The following MAPKAP1 variants were observed in gnomAD, a reference collection of about 807,000 sequenced individuals.
MAPKAP1 encodes target of rapamycin complex 2 subunit MAPKAP1.
MAPKAP1 carries 20 observed loss-of-function variants against 65.7 expected under a neutral mutation model. The observed-to-expected ratio is 0.30, with a 90% CI of 0.21 to 0.44. MAPKAP1 has a LOEUF of 0.44. Ranked by LOEUF, MAPKAP1 falls within the 20% of genes least tolerant of loss-of-function variation. MAPKAP1 has a pLI of 1.00. For missense variants in MAPKAP1, 423 were observed against 648.0 expected, an observed-to-expected ratio of 0.65 and a Z score of 3.77; for synonymous variants, 222 against 244.3, an observed-to-expected ratio of 0.91 and a Z score of 0.85.
At chr9:125,637,772 T>C (rs948877584) in intron 4 of MAPKAP1, among the ~76,000 whole-genome samples, 2 of 152,144 alleles carry the variant, frequency 1.3e-5, no homozygotes, top group African/African-American at 2.4e-5. Flanking sequence ...AGGTAGGTAA[T>C]GGGTACTTAT....
chr9:125,494,445 T>C (rs1047531443), intron 8 of MAPKAP1, among the ~76,000 whole-genome samples: 2 of 152,146 alleles, frequency 1.3e-5, no homozygotes, highest in African/African-American at 4.8e-5. Flanking sequence ...GATTAAACTC[T>C]TGGAGCCAGA....
At position 125,657,720 on chromosome 9, in the gene MAPKAP1, A is replaced by C. The variant is rs1466022445; in HGVS notation, c.429T>G (p.Ser143=). 1.2e-6 allele frequency: 2 copies of C among 1,613,920 alleles called. No individual in the cohort carries two copies. Among genetic ancestry groups the C allele is most frequent in the African/African-American group, 2.7e-5 (2 of 74,926 alleles). ...PPISGKQSIL[S]VRLEQCPLQL... Reference sequence around the variant, plus strand: ...GCAGAGGGCACTGTTCTAGGCGTACAGATAATATCGACTGCTTCCCAGAAA... The same window carrying C: ...GCAGAGGGCACTGTTCTAGGCGTACCGATAATATCGACTGCTTCCCAGAAA... The change falls in exon 4 of 12, where the codon TCT becomes TCG. Residue 143 remains serine, a synonymous_variant. Transcript: ENST00000265960.
At chr9:125,672,278 T>A (rs951635602) in intron 2 of MAPKAP1, 38 bp downstream of exon 2, 8 of 1,606,988 alleles carry the variant, frequency 5.0e-6, no homozygotes, top group Non-Finnish European at 6.8e-6. Context: ...GTTTACTGAT[T>A]TAAAGCTCAG....
intron 9 of MAPKAP1, among the ~76,000 whole-genome samples, chr9:125,482,844 G>T (rs73591545): frequency 1.3e-5 from 2 of 152,174 alleles, no homozygotes; most frequent in Non-Finnish European, 2.9e-5. Flanking sequence ...TGATCAGCCT[G>T]CTAGAATCAC....
intron 10 of MAPKAP1, among the ~76,000 whole-genome samples, chr9:125,448,130 T>G (rs1351685583): frequency 6.6e-6 from 1 of 152,110 alleles, no homozygotes; most frequent in Non-Finnish European, 1.5e-5. Context: ...GGTAAGCAGT[T>G]CCCGTAGTCA....
rs58671780 is a variant in MAPKAP1, at chr9:125,625,255, TAAAAAAAA to T, written c.498+32388_498+32395del. ...TATCAATAAAAAAAAAATAAATAAATAAAAAAAAAAAAAAAAAAAAAAAAACAAGGGAG... is the reference window on the plus strand; with the variant it reads ...TATCAATAAAAAAAAAATAAATAAATAAAAAAAAAAAAAAAAACAAGGGAG... On this transcript the variant is annotated intron_variant, in intron 4 of 11. Coordinates refer to ENST00000265960, the MANE Select transcript of MAPKAP1 (RefSeq NM_001006617.3). Among the ~76,000 whole-genome samples the T allele has an allele frequency of 8.4e-3, 543 of 64,710 alleles. 7 individuals carry two copies. Among genetic ancestry groups the T allele is most frequent in the African/African-American group, 0.029 (497 of 16,864 alleles). The allele number at this position is 64,710 out of a possible 152,430, so 42.5% of individuals were successfully genotyped here. A position where few individuals can be genotyped will look rare whatever the true frequency, so the allele number is the denominator to read the frequency against.
intron 8 of MAPKAP1, 181 bp downstream of exon 8, chr9:125,506,129 A>G: frequency 1.6e-6 from 1 of 641,940 alleles, no homozygotes; most frequent in Non-Finnish European, 2.8e-6. Flanking sequence ...CTCTACCAAA[A>G]AGCACAAAAT....
At chr9:125,549,477 C>T (rs1020227987) in intron 6 of MAPKAP1, among the ~76,000 whole-genome samples, 3 of 152,202 alleles carry the variant, frequency 2.0e-5, no homozygotes, top group Non-Finnish European at 2.9e-5. Flanking sequence ...AGAGTTTACA[C>T]TAGTGTGAAT....
At chr9:125,656,186 C>T (rs1165133396) in intron 4 of MAPKAP1, among the ~76,000 whole-genome samples, 3 of 152,158 alleles carry the variant, frequency 2.0e-5, no homozygotes, top group Non-Finnish European at 2.9e-5. Flanking sequence ...TTACCCTAAT[C>T]CCAAGAATAA....
At chr9:125,541,180 T>A (rs1188138947) in intron 7 of MAPKAP1, among the ~76,000 whole-genome samples, 1 of 152,192 alleles carries the variant, frequency 6.6e-6, no homozygotes, top group African/African-American at 2.4e-5. Flanking sequence ...AAGACTCTGA[T>A]GGAAAAGGCA....
chr9:125,535,648 C>T (rs1830053700), intron 7 of MAPKAP1, among the ~76,000 whole-genome samples: 1 of 152,232 alleles, frequency 6.6e-6, no homozygotes, highest in Non-Finnish European at 1.5e-5. Context: ...TACATCATTA[C>T]ACTCATATAC....
chr9:125,572,080 A>G (rs1247128149), intron 5 of MAPKAP1, among the ~76,000 whole-genome samples: 1 of 152,224 alleles, frequency 6.6e-6, no homozygotes, highest in Non-Finnish European at 1.5e-5. Context: ...AGTTATTTGC[A>G]TAAGTGCAAT....
intron 1 of MAPKAP1, among the ~76,000 whole-genome samples, chr9:125,679,280 G>A (rs1427469627): frequency 6.6e-6 from 1 of 152,160 alleles, no homozygotes; most frequent in Non-Finnish European, 1.5e-5. Context: ...GGAATTACAG[G>A]CGTGAGCCAC....
intron 4 of MAPKAP1, among the ~76,000 whole-genome samples, chr9:125,640,382 C>T (rs1052456206): frequency 1.3e-5 from 2 of 152,038 alleles, no homozygotes; most frequent in South Asian, 2.1e-4. Context: ...GGATTACAGG[C>T]GTGAGCCACC....
intron 10 of MAPKAP1, among the ~76,000 whole-genome samples, chr9:125,448,757 C>A (rs558680541): frequency 6.6e-6 from 1 of 152,298 alleles, no homozygotes; most frequent in East Asian, 1.9e-4. Flanking sequence ...GTAATCCCAG[C>A]ACTTTGGGAG....
At chr9:125,456,934 A>G (rs1166988983) in intron 10 of MAPKAP1, among the ~76,000 whole-genome samples, 2 of 152,038 alleles carry the variant, frequency 1.3e-5, no homozygotes, top group Admixed American at 6.6e-5. Flanking sequence ...GTGGCAATAG[A>G]TAAGTAATGC....
intron 1 of MAPKAP1, among the ~76,000 whole-genome samples, chr9:125,678,423 T>C (rs1438361836): frequency 6.6e-6 from 1 of 151,936 alleles, no homozygotes; most frequent in Admixed American, 6.6e-5. Flanking sequence ...TTTGTATTTT[T>C]AGTAGAGACA....
rs1372346533 is a variant in MAPKAP1, at chr9:125,638,854, G to A, written c.498+18797C>T. On this transcript the variant is annotated intron_variant, in intron 4 of 11. Transcript: ENST00000265960. ...ATGAAAACCTCAGGGCAAAAGGAAC[G>A]ATCACCACCTTTGGGGCCAACCCCT... Among the ~76,000 whole-genome samples the A allele has an allele frequency of 5.9e-5, 9 of 152,194 alleles. No homozygotes were observed. The South Asian group carries it at 1.2e-3, about 21-fold the overall frequency.
intron 1 of MAPKAP1, among the ~76,000 whole-genome samples, chr9:125,676,669 A>G (rs755881691): frequency 5.9e-5 from 9 of 152,258 alleles, no homozygotes; most frequent in African/African-American, 9.6e-5. Flanking sequence ...GGAAGATGGA[A>G]AAGTTATGGA....
Sources: gnomAD v4.1 joint callset for allele counts (sites outside exome capture counted in the v4.1 genomes callset) on GRCh38, gnomAD v4.1.1 for gene constraint, MANE v1.5 for transcripts, NCBI Gene and HGNC (gene_info 2026-07-23, HGNC 2026-07-21) for gene names.